The following FNBP1 variants were observed in gnomAD, a reference collection of about 807,000 sequenced individuals.
FNBP1 encodes formin binding protein 1.
In FNBP1, 26 loss-of-function variants were observed where a neutral mutation model predicts 90.6. The ratio of observed to expected loss-of-function variants is 0.29; its 90% CI spans 0.21 to 0.40. The LOEUF is 0.40. Among genes scored for constraint, FNBP1 ranks in the 10% least tolerant of loss-of-function variants. The probability of loss-of-function intolerance (pLI) is 1.00; values close to 1 mark genes in which losing one functional copy is unlikely to be tolerated. For synonymous variants in FNBP1, 260 were observed against 265.2 expected (o/e 0.98, Z 0.19); for missense variants, 635 against 768.0 (o/e 0.83, Z 2.05).
At chr9:129,920,261 A>G (rs972817823) in intron 10 of FNBP1, among the ~76,000 whole-genome samples, 13 of 152,184 alleles carry the variant, frequency 8.5e-5, no homozygotes, top group Admixed American at 3.3e-4. Context: ...CCTTTAAATC[A>G]TCAAAAGAAC....
chr9:129,952,355 C>T (rs750371595), intron 6 of FNBP1, among the ~76,000 whole-genome samples: 43 of 151,568 alleles, frequency 2.8e-4, no homozygotes, highest in African/African-American at 9.7e-4. Flanking sequence ...GAAGATTAGC[C>T]GGGTGTGGTG....
At chr9:129,911,702 G>A (rs921886342) in intron 11 of FNBP1, among the ~76,000 whole-genome samples, 5 of 152,088 alleles carry the variant, frequency 3.3e-5, no homozygotes, top group African/African-American at 1.2e-4. Context: ...GGAGGCTGAG[G>A]CAGGCAGATC....
At chr9:130,037,480 T>G (rs1026243893) in intron 1 of FNBP1, among the ~76,000 whole-genome samples, 5 of 152,314 alleles carry the variant, frequency 3.3e-5, no homozygotes, top group African/African-American at 1.2e-4. Flanking sequence ...TGTTAATAAT[T>G]TGTTACTTTA....
chr9:129,917,790 C>A (rs1360846723), intron 10 of FNBP1, among the ~76,000 whole-genome samples: 1 of 152,152 alleles, frequency 6.6e-6, no homozygotes, highest in Non-Finnish European at 1.5e-5. Context: ...ATGGTACATA[C>A]AGTCACATTC....
chr9:129,901,688 G>A (rs977152589), intron 13 of FNBP1, among the ~76,000 whole-genome samples: 1 of 151,988 alleles, frequency 6.6e-6, no homozygotes, highest in Non-Finnish European at 1.5e-5. Context: ...AAGGTGGGTG[G>A]AGCATCTGAG....
chr9:129,890,276 C>CATCATTAAAAAA lies in FNBP1; in HGVS notation c.*262_*263insTTTTTTAATGAT. 1 of 525,812 alleles carries CATCATTAAAAAA rather than the reference C, an allele frequency of 1.9e-6. No homozygotes were observed. The highest frequency in any genetic ancestry group is 3.4e-6 in the Non-Finnish European group (1 of 296,892). The allele number at this position is 525,812 out of a possible 1,614,324, so 32.6% of individuals were successfully genotyped here. ...TGTGTCCCACCGTCTCAGTGGCCTG[C>CATCATTAAAAAA]GCGGGGTGGGGAGGGGGAGCGATGA... is the stretch of plus-strand genomic sequence containing the variant. On this transcript the variant is annotated 3_prime_UTR_variant, in exon 17 of 17. Transcript: ENST00000446176. The surrounding 1 kb of genome is among the most constrained non-coding windows in gnomAD (Gnocchi z 5.8).
At chr9:129,899,470 G>C (rs549770000) in intron 15 of FNBP1, among the ~76,000 whole-genome samples, 141 of 152,198 alleles carry the variant, frequency 9.3e-4, no homozygotes, top group African/African-American at 3.3e-3. Flanking sequence ...CAGCACTTTG[G>C]GAGGCTGAGG....
chr9:130,026,235 C>T (rs2058327547), intron 1 of FNBP1, among the ~76,000 whole-genome samples: 1 of 152,114 alleles, frequency 6.6e-6, no homozygotes, highest in African/African-American at 2.4e-5. Flanking sequence ...TGGCTCATAC[C>T]TGTAATCCCA....
chr9:130,028,207 A>C (rs560501370), intron 1 of FNBP1, among the ~76,000 whole-genome samples: 1 of 152,352 alleles, frequency 6.6e-6, no homozygotes, highest in African/African-American at 2.4e-5. Flanking sequence ...GCAATGTGGG[A>C]TGGGCAATAT....
At position 130,042,173 on chromosome 9, in the gene FNBP1, C is replaced by A. The variant is rs1293467624; in HGVS notation, c.24+779G>T. On this transcript the variant is annotated intron_variant, in intron 1 of 16. Coordinates refer to ENST00000446176, the MANE Select transcript of FNBP1 (RefSeq NM_015033.3). The surrounding 1 kb of genome is among the most constrained non-coding windows in gnomAD (Gnocchi z 5.5). ...CCGTGCGCATCCCCCGGCCAAGCAT[C>A]CCCGCAAGGCGCCCCTCACCGCCAA... Among the ~76,000 whole-genome samples, 1 of 152,070 alleles carries A rather than the reference C, an allele frequency of 6.6e-6. No homozygotes were observed. Among genetic ancestry groups the A allele is most frequent in the Non-Finnish European group, 1.5e-5 (1 of 68,016 alleles).
intron 6 of FNBP1, among the ~76,000 whole-genome samples, chr9:129,935,141 T>TA (rs398012413): frequency 5.4e-5 from 8 of 147,962 alleles, no homozygotes; most frequent in Non-Finnish European, 1.5e-5. Flanking sequence ...TTTTTTTTTT[T>TA]AAGACAGGGT....
chr9:129,938,510 A>C (rs973026081), intron 6 of FNBP1, among the ~76,000 whole-genome samples: 1 of 151,268 alleles, frequency 6.6e-6, no homozygotes, highest in Non-Finnish European at 1.5e-5. Flanking sequence ...CCAAAGAAAT[A>C]TGCTTGAACT....
chr9:129,927,757 A>AC (rs991311151), intron 7 of FNBP1, among the ~76,000 whole-genome samples: 1 of 64,432 alleles, frequency 1.6e-5, no homozygotes, highest in Non-Finnish European at 3.2e-5. Context: ...TACAGGCCCC[A>AC]CCCCCCCTCC....
intron 1 of FNBP1, among the ~76,000 whole-genome samples, chr9:130,035,632 T>C (rs1188654349): frequency 2.6e-5 from 4 of 152,306 alleles, no homozygotes; most frequent in Non-Finnish European, 5.9e-5. Flanking sequence ...GCAGTAATGA[T>C]AACAATCATT....
intron 2 of FNBP1, among the ~76,000 whole-genome samples, chr9:129,984,981 A>G (rs981245242): frequency 6.6e-6 from 1 of 152,092 alleles, no homozygotes; most frequent in Non-Finnish European, 1.5e-5. Flanking sequence ...AAAATGGACT[A>G]ATACAATTAG....
chr9:129,907,608 T>A (rs1413719924), intron 12 of FNBP1, among the ~76,000 whole-genome samples: 1 of 151,576 alleles, frequency 6.6e-6, no homozygotes, highest in African/African-American at 2.4e-5. Flanking sequence ...TGTGTGTGTG[T>A]GTGTGTGTGT....
At chr9:129,988,626 G>T (rs2131154564) in intron 2 of FNBP1, among the ~76,000 whole-genome samples, 1 of 152,180 alleles carries the variant, frequency 6.6e-6, no homozygotes, top group Admixed American at 6.5e-5. Flanking sequence ...GCAGTGAGCT[G>T]AGATTGTACC....
rs1398563131 is a variant in FNBP1 at position 129,957,238 on chromosome 9, A to T, written c.513+122T>A. 1 of 671,990 alleles carries T rather than the reference A, an allele frequency of 1.5e-6. No individual in the cohort carries two copies. The highest frequency in any genetic ancestry group is 2.6e-6 in the Non-Finnish European group (1 of 389,110). 41.6% of individuals were successfully genotyped at this position (671,990 alleles called of 1,614,324 possible). A position where few individuals can be genotyped will look rare whatever the true frequency, so the allele number is the denominator to read the frequency against. On this transcript the variant is annotated intron_variant, in intron 6 of 16. Transcript: ENST00000446176. The surrounding 1 kb of genome is among the most constrained non-coding windows in gnomAD (Gnocchi z 4.3). ...TTTTTCGTAGAGATGGGGTTTCACC[A>T]TCTTGGCCAGGCTGGTCTCGAACTC...
chr9:129,957,099 G>A lies in FNBP1; in HGVS notation c.513+261C>T, dbSNP rs1300249994. On this transcript the variant is annotated intron_variant, in intron 6 of 16. Coordinates refer to ENST00000446176, the MANE Select transcript of FNBP1 (RefSeq NM_015033.3). The surrounding 1 kb of genome is among the most constrained non-coding windows in gnomAD (Gnocchi z 4.3). ...GTTACCCAGGCTGGAGTGCAGTGGC[G>A]TGATCTTGGCTCACTGCAGCCAACG... Among the ~76,000 whole-genome samples the A allele has an allele frequency of 2.7e-5, 4 of 150,764 alleles. No individual in the cohort carries two copies. The highest frequency in any genetic ancestry group is 3.2e-3 in the Middle Eastern group (1 of 314).
Sources: gnomAD v4.1 joint callset for allele counts (sites outside exome capture counted in the v4.1 genomes callset) on GRCh38, gnomAD v4.1.1 for gene constraint, Gnocchi (gnomAD v3.1) non-coding constraint, MANE v1.5 for transcripts, NCBI Gene and HGNC (gene_info 2026-07-23, HGNC 2026-07-21) for gene names.